The following HK1 variants were observed in gnomAD, a reference collection of about 807,000 sequenced individuals.
HK1 encodes the protein hexokinase 1.
Under a neutral mutation model 91.6 loss-of-function variants are expected in HK1, and 28 were observed. The ratio of observed to expected loss-of-function variants is 0.31; its 90% CI spans 0.23 to 0.42. The LOEUF (loss-of-function observed/expected upper bound fraction) is 0.42, where lower values mean the gene tolerates loss of function less well. HK1 is among the 10% of genes least tolerant of loss of function. The pLI, the probability that HK1 is intolerant of heterozygous loss-of-function variation, is 1.00. For missense variants in HK1, 770 were observed against 1,219.8 expected, an observed-to-expected ratio of 0.63 and a Z score of 5.49; for synonymous variants, 430 against 468.1, an observed-to-expected ratio of 0.92 and a Z score of 1.05.
At chr10:69,375,021 T>C (rs1236954356) in intron 7 of HK1, among the ~76,000 whole-genome samples, 1 of 151,100 alleles carries the variant, frequency 6.6e-6, no homozygotes, top group Admixed American at 6.6e-5. Context: ...GAGTACAACT[T>C]CTGGTGTTAG....
intron 1 of HK1, among the ~76,000 whole-genome samples, chr10:69,341,541 T>C (rs1294484504): frequency 6.6e-6 from 1 of 151,770 alleles, no homozygotes; most frequent in Non-Finnish European, 1.5e-5. Context: ...CATGGCTCAA[T>C]GCAGCCTCAA....
chr10:69,387,349 A>T (rs942873354), intron 13 of HK1, among the ~76,000 whole-genome samples: 3 of 152,080 alleles, frequency 2.0e-5, no homozygotes, highest in Admixed American at 6.6e-5. Flanking sequence ...AGTGCAGTGG[A>T]GCAATCTTGG....
chr10:69,374,607 C>T (rs1850189961), intron 7 of HK1, among the ~76,000 whole-genome samples: 1 of 152,230 alleles, frequency 6.6e-6, no homozygotes, highest in Non-Finnish European at 1.5e-5. Flanking sequence ...TTGGTTTGAA[C>T]AGAGAGAAGC....
chr10:69,368,528 C>T lies in HK1; in HGVS notation c.496-8C>T, dbSNP rs745643252. On this transcript the variant is annotated splice_polypyrimidine_tract_variant and splice_region_variant and intron_variant, in intron 4 of 17. Coordinates refer to ENST00000359426, the MANE Select transcript of HK1 (RefSeq NM_000188.3). ...CCCTCATCCAGCCCCATCCATTCTTCTTTGCAGGCCATCCTGATCACCTGG... is the reference window on the plus strand; with the variant it reads ...CCCTCATCCAGCCCCATCCATTCTTTTTTGCAGGCCATCCTGATCACCTGG... 1 of 1,613,622 alleles carries T rather than the reference C, an allele frequency of 6.2e-7. No individual in the cohort carries two copies. Among genetic ancestry groups the T allele is most frequent in the Non-Finnish European group, 8.5e-7 (1 of 1,179,518 alleles).
intron 1 of HK1, among the ~76,000 whole-genome samples, chr10:69,325,478 C>T (rs901641088): frequency 1.3e-5 from 2 of 151,800 alleles, no homozygotes; most frequent in Non-Finnish European, 2.9e-5. Context: ...CTGCCTCAGC[C>T]TCCTGAGTAG....
intron 1 of HK1, among the ~76,000 whole-genome samples, chr10:69,337,165 C>T (rs954705399): frequency 2.0e-5 from 3 of 152,130 alleles, no homozygotes; most frequent in Admixed American, 1.3e-4. Context: ...GCTAATAAAT[C>T]GGATTTGAAC....
At chr10:69,289,122 C>A (rs1328043634) in intron 3 of HK1, among the ~76,000 whole-genome samples, 2 of 152,146 alleles carry the variant, frequency 1.3e-5, no homozygotes, top group Non-Finnish European at 2.9e-5. Context: ...GCCTGCTCAA[C>A]CTGCTCTCCC....
At chr10:69,318,833 C>CGGG, upstream of HK1, 1 of 1,456,752 alleles carries the variant, frequency 6.9e-7, no homozygotes, top group Non-Finnish European at 9.0e-7. Flanking sequence ...GGGGAGGAGC[C>CGGG]GGGGGAGGAG....
chr10:69,375,938 G>T (rs909093226), intron 7 of HK1, among the ~76,000 whole-genome samples: 2 of 152,226 alleles, frequency 1.3e-5, no homozygotes, highest in African/African-American at 4.8e-5. Context: ...CTTGACCGGG[G>T]CTGGAGCTGT....
At chr10:69,383,646 A>G (rs1839499032) in intron 10 of HK1, among the ~76,000 whole-genome samples, 1 of 152,266 alleles carries the variant, frequency 6.6e-6, no homozygotes, top group Non-Finnish European at 1.5e-5. Flanking sequence ...CTGCATCTGC[A>G]GTCAGCTGTT....
intron 1 of HK1, chr10:69,338,497 G>C (rs1183279274): frequency 7.8e-7 from 1 of 1,288,076 alleles, no homozygotes; most frequent in Non-Finnish European, 1.0e-6. Context: ...TCTTCTGATA[G>C]ATGGTCCACA....
At chr10:69,350,995 C>T (rs1848829367) in intron 2 of HK1, among the ~76,000 whole-genome samples, 1 of 136,782 alleles carries the variant, frequency 7.3e-6, no homozygotes, top group African/African-American at 2.9e-5. Context: ...ACAGTGAAAC[C>T]CCGTCTCTAC....
intron 2 of HK1, among the ~76,000 whole-genome samples, chr10:69,348,128 A>T (rs1255522173): frequency 6.6e-6 from 1 of 152,118 alleles, no homozygotes; most frequent in African/African-American, 2.4e-5. Flanking sequence ...ATAGGAATCG[A>T]TACTTCTTGG....
At chr10:69,366,360 C>T (rs1334098702) in intron 4 of HK1, among the ~76,000 whole-genome samples, 1 of 152,140 alleles carries the variant, frequency 6.6e-6, no homozygotes, top group Non-Finnish European at 1.5e-5. Flanking sequence ...GCAGGGAGCA[C>T]CCCTGGGTCC....
chr10:69,391,265 G>T (rs2132934811), intron 14 of HK1, among the ~76,000 whole-genome samples: 1 of 152,318 alleles, frequency 6.6e-6, no homozygotes, highest in Middle Eastern at 3.4e-3. Context: ...ACACTGTCCT[G>T]CCCTGAACTG....
intron 2 of HK1, among the ~76,000 whole-genome samples, chr10:69,359,300 A>C (rs1039703634): frequency 3.9e-5 from 6 of 152,178 alleles, no homozygotes; most frequent in Non-Finnish European, 8.8e-5. Context: ...AAGTTTTGAA[A>C]ATAGTGGTGA....
intron 4 of HK1, among the ~76,000 whole-genome samples, chr10:69,296,770 G>A (rs1042988763): frequency 6.6e-6 from 1 of 152,206 alleles, no homozygotes; most frequent in African/African-American, 2.4e-5. Flanking sequence ...GGTTGGATGG[G>A]ACTGGGATTG....
intron 5 of HK1, among the ~76,000 whole-genome samples, chr10:69,309,156 C>T (rs182302358): frequency 4.1e-4 from 63 of 151,844 alleles, no homozygotes; most frequent in Middle Eastern, 3.4e-3. Flanking sequence ...GCCTAGGTGA[C>T]AGCAAGACTT....
intron 1 of HK1, among the ~76,000 whole-genome samples, chr10:69,324,466 C>T (rs1847212702): frequency 1.3e-5 from 2 of 152,028 alleles, no homozygotes. Context: ...GTGGCTCATG[C>T]CTGTAGTCCC....
Sources: allele counts gnomAD v4.1 joint callset (sites outside exome capture counted in the v4.1 genomes callset), GRCh38; gene constraint gnomAD v4.1.1; transcripts MANE v1.5; gene names NCBI Gene and HGNC (gene_info 2026-07-23, HGNC 2026-07-21).